The following GULP1 variants were observed in gnomAD, a reference collection of about 807,000 sequenced individuals.
GULP1 encodes GULP PTB domain containing engulfment adaptor 1.
Under a neutral mutation model 40.9 loss-of-function variants are expected in GULP1, and 19 were observed. That is an observed-to-expected ratio of 0.46 (90% confidence interval 0.32 to 0.68). The LOEUF is 0.68. Among genes scored for constraint, GULP1 ranks in the 30% least tolerant of loss-of-function variants. GULP1 has a pLI of 0.03. For synonymous variants in GULP1, 119 were observed against 117.6 expected (o/e 1.01, Z -0.08); for missense variants, 312 against 362.2 (o/e 0.86, Z 1.12).
rs147759527 is a variant in GULP1, at chr2:188,461,836, T to G, written c.-44-15823T>G. Among the ~76,000 whole-genome samples, 58 of 152,282 alleles carry G rather than the reference T, an allele frequency of 3.8e-4. No homozygotes were observed. The East Asian group carries it at 0.01, about 27-fold the overall frequency. On this transcript the variant is annotated intron_variant, in intron 2 of 11. Transcript: ENST00000409830. ...TATTTGCAATGTCTCTGTTTTTTCT[T>G]AGTCTGGGTGAAGGTTTGTCAATTT...
At chr2:188,491,812 C>A (rs2062418910) in intron 4 of GULP1, among the ~76,000 whole-genome samples, 1 of 152,056 alleles carries the variant, frequency 6.6e-6, no homozygotes. Context: ...TATTTTACAT[C>A]AAAATAAAGT....
chr2:188,425,342 A>T (rs2056039838), intron 2 of GULP1, among the ~76,000 whole-genome samples: 1 of 151,888 alleles, frequency 6.6e-6, no homozygotes, highest in African/African-American at 2.4e-5. Context: ...GCAGTTTATT[A>T]TTCTAATCCA....
chr2:188,472,442 C>T (rs756935853), intron 2 of GULP1, among the ~76,000 whole-genome samples: 38 of 152,020 alleles, frequency 2.5e-4, no homozygotes, highest in African/African-American at 3.9e-4. Context: ...TTTCTAGATT[C>T]GGCAGGCACG....
chr2:188,470,897 A>G (rs575119233), intron 2 of GULP1, among the ~76,000 whole-genome samples: 1 of 152,256 alleles, frequency 6.6e-6, no homozygotes, highest in Admixed American at 6.5e-5. Flanking sequence ...TCACTGGAGT[A>G]AATGTTCTGT....
chr2:188,304,591 A>G (rs1162588424), intron 1 of GULP1, among the ~76,000 whole-genome samples: 7 of 152,204 alleles, frequency 4.6e-5, no homozygotes, highest in Admixed American at 6.5e-5. Context: ...CTGGACAGTT[A>G]GGCCACCTTT....
intron 7 of GULP1, among the ~76,000 whole-genome samples, chr2:188,545,818 T>C (rs1344327070): frequency 6.6e-6 from 1 of 151,916 alleles, no homozygotes; most frequent in Non-Finnish European, 1.5e-5. Flanking sequence ...CAGATACATA[T>C]CATCTACAAG....
intron 2 of GULP1, among the ~76,000 whole-genome samples, chr2:188,391,404 T>C (rs1338068407): frequency 1.3e-5 from 2 of 152,118 alleles, no homozygotes; most frequent in Non-Finnish European, 2.9e-5. Context: ...GATTTGATTC[T>C]CAATGTGGTT....
intron 2 of GULP1, among the ~76,000 whole-genome samples, chr2:188,393,123 AT>A (rs148817399): frequency 0.013 from 1,897 of 144,232 alleles, 17 homozygotes; most frequent in East Asian, 0.023. Context: ...GCTTAAGTCC[AT>A]TTTTTTTTTG....
At chr2:188,561,567 C>T (rs1298553659) in intron 7 of GULP1, among the ~76,000 whole-genome samples, 1 of 152,106 alleles carries the variant, frequency 6.6e-6, no homozygotes, top group Admixed American at 6.6e-5. Flanking sequence ...TCCACATGAT[C>T]CTGGGCTAAG....
chr2:188,550,777 C>T (rs927003920), intron 7 of GULP1, among the ~76,000 whole-genome samples: 4 of 151,416 alleles, frequency 2.6e-5, no homozygotes, highest in African/African-American at 9.7e-5. Context: ...TTTTGAATCA[C>T]ATTTATCAAA....
chr2:188,563,721 A>G (rs992771534), intron 7 of GULP1, among the ~76,000 whole-genome samples: 6 of 151,786 alleles, frequency 4.0e-5, no homozygotes, highest in Non-Finnish European at 7.4e-5. Context: ...TAAAATACCA[A>G]TTATACATAA....
chr2:188,520,533 A>C (rs1370640098), intron 4 of GULP1, among the ~76,000 whole-genome samples: 1 of 151,742 alleles, frequency 6.6e-6, no homozygotes, highest in Non-Finnish European at 1.5e-5. Flanking sequence ...CATCTAAAAA[A>C]AAAAAAAAAA....
Position 188,477,650 on chromosome 2 carries a change from CT to C in GULP1, c.-44-5del. ...TTGTTTATGTTTTAATATTTTGTCA[CT>C]TTTACAGGATTTAAGTCGTGGAACT... On this transcript the variant is annotated splice_polypyrimidine_tract_variant and splice_region_variant and intron_variant, in intron 2 of 11. Coordinates refer to ENST00000409830, the MANE Select transcript of GULP1 (RefSeq NM_016315.4). The C allele has an allele frequency of 6.8e-7, 1 of 1,464,890 alleles. No individual in the cohort carries two copies. The highest frequency in any genetic ancestry group is 1.2e-5 in the South Asian group (1 of 81,934). The allele number at this position is 1,464,890 out of a possible 1,614,324, so 90.7% of individuals were successfully genotyped here.
chr2:188,368,939 G>GTGCATATATATATATATATA (rs1272494109), intron 1 of GULP1, among the ~76,000 whole-genome samples: 1 of 86,088 alleles, frequency 1.2e-5, no homozygotes, highest in African/African-American at 4.1e-5. Context: ...ATATATGTGT[G>GTGCATATATATATATATATA]TATATATATA....
At chr2:188,494,827 T>A (rs1410497012) in intron 4 of GULP1, among the ~76,000 whole-genome samples, 1 of 151,972 alleles carries the variant, frequency 6.6e-6, no homozygotes, top group African/African-American at 2.4e-5. Context: ...TTTCTCACAA[T>A]CTCTTTCCAC....
At chr2:188,535,741 A>G (rs1480485633) in intron 6 of GULP1, among the ~76,000 whole-genome samples, 1 of 152,128 alleles carries the variant, frequency 6.6e-6, no homozygotes, top group Non-Finnish European at 1.5e-5. Flanking sequence ...GGAAAACAGC[A>G]ACTGTTTTAA....
chr2:188,497,676 G>T (rs1252888635), intron 4 of GULP1, among the ~76,000 whole-genome samples: 1 of 151,924 alleles, frequency 6.6e-6, no homozygotes, highest in Non-Finnish European at 1.5e-5. Flanking sequence ...GCAGACTCCA[G>T]GTGTAGAAAA....
chr2:188,385,041 G>A (rs1013868884), intron 2 of GULP1, among the ~76,000 whole-genome samples: 2 of 152,148 alleles, frequency 1.3e-5, no homozygotes, highest in Non-Finnish European at 2.9e-5. Context: ...CTGGAGGATG[G>A]TGGCCCTCTT....
In GULP1 at chr2:188,584,072, A is replaced by G. The variant is rs188244371; in HGVS notation, c.610-193A>G. Among the ~76,000 whole-genome samples, 102 of 152,316 alleles carry G rather than the reference A, an allele frequency of 6.7e-4. No homozygotes were observed. Among genetic ancestry groups the G allele is most frequent in the Non-Finnish European group, 1.0e-3 (68 of 68,026 alleles). On this transcript the variant is annotated intron_variant, in intron 9 of 11. Transcript: ENST00000409830. ...CAGAAATTTTCTATTGCTTTCTTCT[A>G]AATGAGCATTTATCATAATTAGTGG...
Sources: gnomAD v4.1 joint callset for allele counts (sites outside exome capture counted in the v4.1 genomes callset) on GRCh38, gnomAD v4.1.1 for gene constraint, MANE v1.5 for transcripts, NCBI Gene and HGNC (gene_info 2026-07-23, HGNC 2026-07-21) for gene names.